Variants in DPY19L1 observed in about 807,000 individuals in gnomAD.
DPY19L1 encodes dpy-19 like C-mannosyltransferase 1, also known as protein C-mannosyl-transferase DPY19L1.
A neutral mutation model predicts 96.9 loss-of-function variants in DPY19L1; 35 were observed. The ratio of observed to expected loss-of-function variants is 0.36; its 90% CI spans 0.28 to 0.48. The LOEUF is 0.48. Ranked by LOEUF, DPY19L1 falls within the 20% of genes least tolerant of loss-of-function variation. The pLI is 0.99. For missense variants in DPY19L1, 521 were observed against 777.9 expected, an observed-to-expected ratio of 0.67 and a Z score of 3.93; for synonymous variants, 205 against 252.6, an observed-to-expected ratio of 0.81 and a Z score of 1.79.
intron 2 of DPY19L1, 58 bp downstream of exon 2, chr7:35,018,513 AG>A: frequency 1.4e-6 from 2 of 1,447,320 alleles, no homozygotes; most frequent in Non-Finnish European, 1.9e-6. Context: ...TATGGGAAAT[AG>A]CTTTAGCAAG....
rs1784019374 is a variant in DPY19L1, at chr7:34,941,690, A to G, written c.1689+75T>C. The G allele has an allele frequency of 1.7e-5, 24 of 1,403,488 alleles. No individual in the cohort carries two copies. The South Asian group carries it at 3.0e-4, about 18-fold the overall frequency. 86.9% of individuals were successfully genotyped at this position (1,403,488 alleles called of 1,614,324 possible). ...CTATAATCACTTAAAAGACTTTGTA[A>G]TTCATTATTTTAGGGCCACTCAATA... On this transcript the variant is annotated intron_variant, in intron 18 of 21. Coordinates refer to ENST00000638088, the MANE Select transcript of DPY19L1 (RefSeq NM_001366673.1).
At chr7:34,968,018 T>A (rs1026800708) in intron 9 of DPY19L1, among the ~76,000 whole-genome samples, 1 of 152,052 alleles carries the variant, frequency 6.6e-6, no homozygotes, top group Non-Finnish European at 1.5e-5. Context: ...CAGTCTCCAC[T>A]ATCAGGAAGC....
At chr7:34,988,533 G>C (rs2128671828) in intron 7 of DPY19L1, among the ~76,000 whole-genome samples, 1 of 151,748 alleles carries the variant, frequency 6.6e-6, no homozygotes. Context: ...TAAATACTAA[G>C]AACATATTAG....
chr7:35,023,833 C>CTTTTCT (rs1554363473), intron 1 of DPY19L1, among the ~76,000 whole-genome samples: 117 of 111,818 alleles, frequency 1.0e-3, no homozygotes, highest in Middle Eastern at 5.5e-3. Flanking sequence ...CTTTTCTTTT[C>CTTTTCT]TTTTTTTTTT....
At position 35,027,165 on chromosome 7, in the gene DPY19L1, T is replaced by C. The variant is rs539969871; in HGVS notation, c.299-8569A>G. Among the ~76,000 whole-genome samples, 20 of 151,816 alleles carry C rather than the reference T, an allele frequency of 1.3e-4. No homozygotes were observed. In the South Asian group the frequency reaches 1.5e-3, roughly 11 times the overall value. ...GTTACAGTGAGCCGAGATTGCGCCA[T>C]TGCACTCCAGCCTGGGCAACAAGAG... On this transcript the variant is annotated intron_variant, in intron 1 of 21. Coordinates refer to ENST00000638088, the MANE Select transcript of DPY19L1 (RefSeq NM_001366673.1).
At chr7:35,008,413 A>C (rs1785617334) in intron 6 of DPY19L1, among the ~76,000 whole-genome samples, 1 of 152,256 alleles carries the variant, frequency 6.6e-6, no homozygotes. Flanking sequence ...CCCCTCAACC[A>C]AAACCAGGAA....
At chr7:34,991,335 T>C (rs969270176) in intron 6 of DPY19L1, among the ~76,000 whole-genome samples, 6 of 152,190 alleles carry the variant, frequency 3.9e-5, no homozygotes, top group African/African-American at 1.2e-4. Context: ...GATTTTTGCC[T>C]ACCGATTATC....
At chr7:34,936,965 G>A (rs1437054997) in intron 21 of DPY19L1, among the ~76,000 whole-genome samples, 1 of 152,188 alleles carries the variant, frequency 6.6e-6, no homozygotes, top group Non-Finnish European at 1.5e-5. Flanking sequence ...TTACAGAATA[G>A]TAAGAATTTA....
chr7:35,030,077 A>G (rs1786224005), intron 1 of DPY19L1, among the ~76,000 whole-genome samples: 1 of 152,136 alleles, frequency 6.6e-6, no homozygotes, highest in Non-Finnish European at 1.5e-5. Flanking sequence ...ATAAGGTCTC[A>G]TTTTCAAAAA....
intron 9 of DPY19L1, among the ~76,000 whole-genome samples, chr7:34,967,738 C>T (rs530909452): frequency 7.9e-5 from 12 of 152,162 alleles, no homozygotes; most frequent in Admixed American, 2.6e-4. Context: ...ATAGCATAAA[C>T]AGATTGCAAA....
intron 1 of DPY19L1, among the ~76,000 whole-genome samples, chr7:35,029,569 T>C (rs1786211536): frequency 1.3e-5 from 2 of 152,244 alleles, no homozygotes; most frequent in African/African-American, 4.8e-5. Context: ...ATCTTGCTTA[T>C]CTTTTAAGTG....
At chr7:34,957,958 C>T in intron 11 of DPY19L1, 26 bp downstream of exon 11, 5 of 1,436,686 alleles carry the variant, frequency 3.5e-6, no homozygotes, top group East Asian at 4.6e-5. Context: ...TCAAAAACAG[C>T]CATATAAGTG....
At chr7:34,995,002 T>A (rs1785252084) in intron 6 of DPY19L1, among the ~76,000 whole-genome samples, 1 of 152,112 alleles carries the variant, frequency 6.6e-6, no homozygotes, top group Admixed American at 6.6e-5. Context: ...CTTCCATGAA[T>A]ATGGGCCCAG....
chr7:34,961,405 C>T (rs537465820), intron 10 of DPY19L1, among the ~76,000 whole-genome samples: 6 of 152,264 alleles, frequency 3.9e-5, no homozygotes, highest in South Asian at 2.1e-4. Flanking sequence ...AAAAATAGTC[C>T]TTTCCACAAA....
intron 16 of DPY19L1, 124 bp downstream of exon 16, chr7:34,945,540 GACC>G: frequency 4.4e-6 from 3 of 685,050 alleles, no homozygotes; most frequent in South Asian, 4.0e-5. Flanking sequence ...GAAGGGAAAT[GACC>G]ACAATAAAAA....
At chr7:34,991,026 C>T (rs1377325906) in intron 6 of DPY19L1, among the ~76,000 whole-genome samples, 7 of 152,206 alleles carry the variant, frequency 4.6e-5, no homozygotes, top group Non-Finnish European at 8.8e-5. Context: ...ACAGGTAGGG[C>T]TGGGACCCCA....
chr7:34,941,992 C>T (rs1784028915), intron 17 of DPY19L1, 108 bp from the exon 18 acceptor site: 1 of 1,150,668 alleles, frequency 8.7e-7, no homozygotes, highest in Non-Finnish European at 1.2e-6. Flanking sequence ...ACAAAAAATA[C>T]TACTAAGGTT....
chr7:35,027,668 T>TAAAGAAAAAA (rs1786158183), intron 1 of DPY19L1, among the ~76,000 whole-genome samples: 1 of 71,410 alleles, frequency 1.4e-5, no homozygotes, highest in African/African-American at 4.4e-5. Flanking sequence ...CCGTCTCTAC[T>TAAAGAAAAAA]AAAAAAAAAA....
Position 35,037,258 on chromosome 7 carries a change from G to T in DPY19L1, c.137C>A (p.Ser46Tyr). 1 of 298,044 alleles carries T rather than the reference G, an allele frequency of 3.4e-6. No individual in the cohort carries two copies. Among genetic ancestry groups the T allele is most frequent in the South Asian group, 1.5e-4 (1 of 6,600 alleles). The allele number at this position is 298,044 out of a possible 1,614,324, so 18.5% of individuals were successfully genotyped here. ...GEPGPERAPL[S>Y]PGRKGAAGRK... Reference sequence around the variant, plus strand: ...GCCCGCGGCGCCCTTGCGCCCCGGGGACAGGGGCGCGCGCTCGGGCCCCGG... The same window carrying T: ...GCCCGCGGCGCCCTTGCGCCCCGGGTACAGGGGCGCGCGCTCGGGCCCCGG... The change falls in exon 1 of 22, where the codon TCC (serine) becomes TAC (tyrosine). Residue 46 changes from serine (S) to tyrosine (Y), a missense_variant. Physicochemically the swap from Ser to Tyr is moderately radical, Grantham distance 144. Transcript: ENST00000638088.
Sources: gnomAD v4.1 joint callset for allele counts (sites outside exome capture counted in the v4.1 genomes callset) on GRCh38, gnomAD v4.1.1 for gene constraint, MANE v1.5 for transcripts, NCBI Gene and HGNC (gene_info 2026-07-23, HGNC 2026-07-21) for gene names.